NAA38: variants seen among roughly 807,000 people sequenced by gnomAD.
NAA38 encodes the protein N-alpha-acetyltransferase 38, NatC auxiliary subunit.
In NAA38, 15 loss-of-function variants were observed where a neutral mutation model predicts 12.6. The observed-to-expected ratio is 1.19, with a 90% CI of 0.79 to 1.83. NAA38 has a LOEUF of 1.83. Ranked by LOEUF, NAA38 falls within the 40% of genes most tolerant of loss-of-function variation. The pLI is 0.00. For missense variants in NAA38, 183 were observed against 171.7 expected (o/e 1.07, Z -0.37); for synonymous variants, 88 against 69.9 (o/e 1.26, Z -1.29).
At chr17:7,858,944 A>T (rs1342782752), upstream of NAA38, 27 of 953,182 alleles carry the variant, frequency 2.8e-5, no homozygotes, top group Non-Finnish European at 3.0e-6. Context: ...TGTCCTTTAC[A>T]TTGAGGCAAC....
chr17:7,858,493 G>C (rs2151385474), upstream of NAA38: 1 of 1,614,190 alleles, frequency 6.2e-7, no homozygotes, highest in Middle Eastern at 1.6e-4. Flanking sequence ...AGTTATGCTG[G>C]AACCTGGGAT....
upstream of NAA38, chr17:7,857,788 TAGTC>T (rs1362334284): frequency 1.5e-5 from 19 of 1,292,822 alleles, no homozygotes; most frequent in South Asian, 2.2e-5. Flanking sequence ...CTCAGAGAGA[TAGTC>T]TGTCCTAAAT....
upstream of NAA38, chr17:7,859,510 G>A (rs1567813439): frequency 1.2e-6 from 2 of 1,614,184 alleles, no homozygotes; most frequent in Non-Finnish European, 1.7e-6. Context: ...AAGAGAATGG[G>A]ATCCGGGATG....
At chr17:7,868,400 A>T (rs1967027335) in intron 2 of NAA38, among the ~76,000 whole-genome samples, 1 of 152,222 alleles carries the variant, frequency 6.6e-6, no homozygotes, top group South Asian at 2.1e-4. Context: ...GCAGTTGGAC[A>T]AGGTATGCAT....
intron 2 of NAA38, among the ~76,000 whole-genome samples, chr17:7,870,463 T>G (rs1967066449): frequency 6.6e-6 from 1 of 151,952 alleles, no homozygotes; most frequent in African/African-American, 2.4e-5. Flanking sequence ...AATCTTTTAA[T>G]CAATTAAAAA....
chr17:7,857,706 T>TA, upstream of NAA38: 2 of 1,308,706 alleles, frequency 1.5e-6, no homozygotes, highest in Non-Finnish European at 1.9e-6. Context: ...TCTGGTTTCT[T>TA]ACACATCCTT....
At chr17:7,859,193 A>G (rs957243457), upstream of NAA38, 1 of 608,042 alleles carries the variant, frequency 1.6e-6, no homozygotes, top group Non-Finnish European at 2.9e-6. Context: ...CGGTAGTTAG[A>G]AGTGGCTGCC....
intron 2 of NAA38, among the ~76,000 whole-genome samples, chr17:7,870,626 A>C (rs985366073): frequency 6.6e-6 from 1 of 152,112 alleles, no homozygotes; most frequent in Non-Finnish European, 1.5e-5. Flanking sequence ...TCACGCCTGT[A>C]ATCCCAGCAC....
upstream of NAA38, chr17:7,885,307 C>CCG (rs1967659125): frequency 3.8e-5 from 6 of 157,572 alleles, no homozygotes; most frequent in East Asian, 4.9e-4. Flanking sequence ...GCACCCCTCC[C>CCG]CCGCCGCCGC....
chr17:7,869,343 C>T (rs1430222696), intron 2 of NAA38, among the ~76,000 whole-genome samples: 1 of 152,134 alleles, frequency 6.6e-6, no homozygotes, highest in East Asian at 1.9e-4. Context: ...CAAACTCTTC[C>T]TCTAATGAAG....
intron 2 of NAA38, among the ~76,000 whole-genome samples, chr17:7,876,195 T>C (rs1967172120): frequency 6.6e-6 from 1 of 152,214 alleles, no homozygotes; most frequent in Non-Finnish European, 1.5e-5. Context: ...TATTTAACTT[T>C]TTGAGGAACT....
upstream of NAA38, chr17:7,859,501 A>G (rs150957554): frequency 8.7e-6 from 14 of 1,614,080 alleles, no homozygotes; most frequent in African/African-American, 1.7e-4. Flanking sequence ...TTACCCTGGA[A>G]GAGAATGGGA....
At chr17:7,876,970 T>A (rs1967185428) in intron 2 of NAA38, 1 of 232,672 alleles carries the variant, frequency 4.3e-6, no homozygotes, top group Non-Finnish European at 9.0e-6. Flanking sequence ...TTAATTATTC[T>A]TTAAAGTGGA....
In NAA38 at chr17:7,885,135, C is replaced by A. The variant is rs976748066; in HGVS notation, c.-167+30G>T. ...CAAGCCCGAGTGGGAGCCGCGGGCG[C>A]GCGAAGCCGGGCGGGGGCGAGGCAC... is the stretch of plus-strand genomic sequence containing the variant. On this transcript the variant is annotated intron_variant, in intron 1 of 4. Transcript: ENST00000576861. 2.6e-5 allele frequency: 26 copies of A among 981,140 alleles called. No individual in the cohort carries two copies. The African/African-American group carries it at 4.5e-4, about 17-fold the overall frequency. 60.8% of individuals were successfully genotyped at this position (981,140 alleles called of 1,614,324 possible). A position where few individuals can be genotyped will look rare whatever the true frequency, so the allele number is the denominator to read the frequency against.
upstream of NAA38, chr17:7,857,629 T>C: frequency 1.5e-6 from 2 of 1,352,808 alleles, no homozygotes; most frequent in South Asian, 4.1e-5. Context: ...TTCTCCTACT[T>C]CTCTAGCGCT....
At chr17:7,882,881 G>C (rs1490307713) in intron 2 of NAA38, among the ~76,000 whole-genome samples, 1 of 152,222 alleles carries the variant, frequency 6.6e-6, no homozygotes, top group Non-Finnish European at 1.5e-5. Context: ...GTGGCCAGCA[G>C]TTACACTGGA....
chr17:7,862,095 T>A (rs2151387617), upstream of NAA38: 1 of 152,352 alleles, frequency 6.6e-6, no homozygotes, highest in East Asian at 1.9e-4. Flanking sequence ...GACTTTCTGA[T>A]AAATCAGTTA....
At chr17:7,858,086 A>C (rs1407818757), upstream of NAA38, 7 of 1,607,794 alleles carry the variant, frequency 4.4e-6, no homozygotes, top group Middle Eastern at 1.9e-4. Flanking sequence ...GTACGTGCTG[A>C]GGAGCAAAGG....
chr17:7,874,115 G>A (rs1201749711), intron 2 of NAA38, among the ~76,000 whole-genome samples: 1 of 152,138 alleles, frequency 6.6e-6, no homozygotes, highest in Non-Finnish European at 1.5e-5. Flanking sequence ...TAAAATGATA[G>A]ACCATGGAAC....
Sources: gnomAD v4.1 joint callset for allele counts (sites outside exome capture counted in the v4.1 genomes callset) on GRCh38, gnomAD v4.1.1 for gene constraint, MANE v1.5 for transcripts, NCBI Gene and HGNC (gene_info 2026-07-23, HGNC 2026-07-21) for gene names.